The following BMP8B variants were observed in gnomAD, a reference collection of about 807,000 sequenced individuals.
BMP8B encodes the protein bone morphogenetic protein 8b, also known as bone morphogenetic protein 8 (osteogenic protein 2).
BMP8B carries 17 observed loss-of-function variants against 30.3 expected under a neutral mutation model. The observed-to-expected ratio is 0.56, with a 90% CI of 0.38 to 0.84. BMP8B has a LOEUF of 0.84. Among genes scored for constraint, BMP8B ranks in the 40% least tolerant of loss-of-function variants. The probability of loss-of-function intolerance (pLI) is 0.00; values close to 1 mark genes in which losing one functional copy is unlikely to be tolerated. For synonymous variants in BMP8B, 131 were observed against 214.7 expected (o/e 0.61, Z 3.41); for missense variants, 253 against 494.6 (o/e 0.51, Z 4.63).
intron 6 of BMP8B, chr1:39,761,488 G>C (rs1211913020): frequency 1.3e-5 from 2 of 152,022 alleles, no homozygotes; most frequent in Non-Finnish European, 2.9e-5. Context: ...GGGTGACATG[G>C]ACCAGAACAC....
intron 1 of BMP8B, among the ~76,000 whole-genome samples, chr1:39,775,917 G>A (rs1331695759): frequency 6.6e-6 from 1 of 152,244 alleles, no homozygotes; most frequent in African/African-American, 2.4e-5. Context: ...GTCTTGGTAG[G>A]TGGAGAAGGT....
rs980517454 is a variant in BMP8B, at chr1:39,763,618, T to A, written c.948+94A>T. On this transcript the variant is annotated intron_variant, in intron 5 of 6. Transcript: ENST00000372827. ...AGAAGAAAAAAATACATAAGAAAAT[T>A]GAAGTCACCATGATTCTATGTCCTC... 55 of 1,426,920 alleles carry A rather than the reference T, an allele frequency of 3.9e-5. 4 individuals carry two copies. In the African/African-American group the frequency reaches 8.8e-4, roughly 23 times the overall value. The allele number at this position is 1,426,920 out of a possible 1,614,324, so 88.4% of individuals were successfully genotyped here.
At chr1:39,762,954 G>A (rs1036028287) in intron 6 of BMP8B, 138 bp downstream of exon 6, 9 of 1,097,594 alleles carry the variant, frequency 8.2e-6, no homozygotes, top group Admixed American at 2.3e-5. Context: ...GGAAGTTAGC[G>A]ACGTTACTGA....
In BMP8B at chr1:39,759,210, A is replaced by C. The variant is rs778315144; in HGVS notation, c.*1209T>G. On this transcript the variant is annotated 3_prime_UTR_variant, in exon 7 of 7. Coordinates refer to ENST00000372827, the MANE Select transcript of BMP8B (RefSeq NM_001720.5). ...AAACCTCTCCACCCAACTCAGCCTA[A>C]TTACTACTTGTCACTCCCTGAAAAG... 6.6e-6 allele frequency: 1 copy of C among 152,272 alleles called. No individual in the cohort carries two copies. The highest frequency in any genetic ancestry group is 2.1e-4 in the South Asian group (1 of 4,828). 9.4% of individuals were successfully genotyped at this position (152,272 alleles called of 1,614,324 possible). A position where few individuals can be genotyped will look rare whatever the true frequency, so the allele number is the denominator to read the frequency against.
chr1:39,788,535 C>T lies in BMP8B; in HGVS notation c.-50G>A. The T allele has an allele frequency of 1.0e-6, 1 of 998,248 alleles. No homozygotes were observed. The allele number at this position is 998,248 out of a possible 1,614,324, so 61.8% of individuals were successfully genotyped here. A position where few individuals can be genotyped will look rare whatever the true frequency, so the allele number is the denominator to read the frequency against. On this transcript the variant is annotated 5_prime_UTR_variant, in exon 1 of 7. Coordinates refer to ENST00000372827, the MANE Select transcript of BMP8B (RefSeq NM_001720.5). The surrounding 1 kb of genome is among the most constrained non-coding windows in gnomAD (Gnocchi z 5.8). ...GGCGCTCAGCGGGCGCGCATCGGCT[C>T]CGCGGCCGACCCAGGGCCTGGGGAC...
At chr1:39,785,429 C>T (rs886254796) in intron 1 of BMP8B, among the ~76,000 whole-genome samples, 1 of 151,798 alleles carries the variant, frequency 6.6e-6, no homozygotes, top group African/African-American at 2.4e-5. Context: ...CCTCCCAGTG[C>T]AGGCTCTGAA....
intron 1 of BMP8B, among the ~76,000 whole-genome samples, chr1:39,784,726 G>A (rs1650864381): frequency 8.2e-6 from 1 of 122,398 alleles, no homozygotes; most frequent in African/African-American, 2.8e-5. Flanking sequence ...GCTGGCAAGG[G>A]CAGAGCAGGA....
intron 6 of BMP8B, chr1:39,762,631 C>G: frequency 6.5e-7 from 1 of 1,547,210 alleles, no homozygotes; most frequent in South Asian, 1.2e-5. Flanking sequence ...CTAGAAGCTT[C>G]CTGCCTGCGG....
At chr1:39,760,640 C>A in intron 6 of BMP8B, 72 bp from the exon 7 acceptor site, 1 of 1,533,266 alleles carries the variant, frequency 6.5e-7, no homozygotes. Context: ...CAGCCCCACC[C>A]CAGCTCCACC....
chr1:39,761,430 A>T (rs1283419335), intron 6 of BMP8B: 1 of 79,686 alleles, frequency 1.3e-5, no homozygotes, highest in African/African-American at 5.0e-5. Flanking sequence ...CACCACCCCC[A>T]CCCCCAATCC....
intron 6 of BMP8B, chr1:39,762,455 C>A (rs1649122604): frequency 6.7e-7 from 1 of 1,492,348 alleles, no homozygotes; most frequent in Admixed American, 2.5e-5. Flanking sequence ...CACAAACACA[C>A]AGAGCACTCA....
In BMP8B at chr1:39,758,318, C is replaced by G. The variant is rs947137016; in HGVS notation, c.*2101G>C. 2.0e-5 allele frequency: 3 copies of G among 152,256 alleles called. No individual in the cohort carries two copies. The highest frequency in any genetic ancestry group is 7.2e-5 in the African/African-American group (3 of 41,446). The allele number at this position is 152,256 out of a possible 1,614,324, so 9.4% of individuals were successfully genotyped here. A position where few individuals can be genotyped will look rare whatever the true frequency, so the allele number is the denominator to read the frequency against. On this transcript the variant is annotated 3_prime_UTR_variant, in exon 7 of 7. Transcript: ENST00000372827. ...TGATCTCTGCTCACTGCAACCTCCA[C>G]CTCCCAGGTTCAAGCAATTCTGCCT...
intron 1 of BMP8B, among the ~76,000 whole-genome samples, chr1:39,787,009 C>T (rs1250239344): frequency 4.6e-5 from 7 of 152,234 alleles, no homozygotes; most frequent in African/African-American, 1.7e-4. Context: ...GAAAGCCTGA[C>T]CTGACAACAG....
chr1:39,766,626 A>G (rs1394858803), intron 3 of BMP8B, among the ~76,000 whole-genome samples: 1 of 138,892 alleles, frequency 7.2e-6, no homozygotes, highest in Non-Finnish European at 1.5e-5. Flanking sequence ...TCCGCCACAA[A>G]CAAATGCACT....
intron 6 of BMP8B, chr1:39,762,754 C>A: frequency 7.3e-7 from 1 of 1,372,848 alleles, no homozygotes; most frequent in South Asian, 1.5e-5. Flanking sequence ...TCACACAGCC[C>A]CCACACAGTG....
chr1:39,788,239 C>A lies in BMP8B; in HGVS notation c.247G>T (p.Ala83Ser). ...TCCTCGTCGTCGTCGCCGGCCATGG[C>A]GTGGTACAGGTCCAGCATGAAGAGC... Reference protein sequence around the residue: ...APLFMLDLYHAMAGDDDEDGA... With the variant: ...APLFMLDLYHSMAGDDDEDGA... The change falls in exon 1 of 7, where the codon GCC (alanine) becomes TCC (serine). Residue 83 changes from alanine to serine, a missense_variant. By Grantham distance (99) the Ala-to-Ser change is moderately conservative (BLOSUM62 1). Transcript: ENST00000372827. This position sits in a 1 kb window ranked among gnomAD's most constrained non-coding sequence, Gnocchi z 5.8. 2 of 1,565,856 alleles carry A rather than the reference C, an allele frequency of 1.3e-6. No individual in the cohort carries two copies. Among genetic ancestry groups the A allele is most frequent in the Non-Finnish European group, 1.7e-6 (2 of 1,165,956 alleles).
At chr1:39,782,341 G>A (rs1053800849) in intron 1 of BMP8B, among the ~76,000 whole-genome samples, 2 of 152,120 alleles carry the variant, frequency 1.3e-5, no homozygotes, top group Non-Finnish European at 2.9e-5. Flanking sequence ...TCAGATTCTG[G>A]AGCTATGCTT....
intron 1 of BMP8B, among the ~76,000 whole-genome samples, chr1:39,779,212 T>C (rs1370785212): frequency 1.3e-5 from 2 of 152,278 alleles, no homozygotes; most frequent in Middle Eastern, 3.4e-3. Context: ...CTGTGGGGAC[T>C]TGGGGTTCCA....
chr1:39,768,555 A>G (rs1191884138), intron 3 of BMP8B, among the ~76,000 whole-genome samples: 1 of 149,246 alleles, frequency 6.7e-6, no homozygotes, highest in Non-Finnish European at 1.5e-5. Context: ...GAAATACCAG[A>G]TAACGGATAA....
Sources: allele counts gnomAD v4.1 joint callset (sites outside exome capture counted in the v4.1 genomes callset), GRCh38; gene constraint gnomAD v4.1.1; non-coding constraint Gnocchi (gnomAD v3.1); transcripts MANE v1.5; gene names NCBI Gene and HGNC (gene_info 2026-07-23, HGNC 2026-07-21).